The following ALB variants were observed in gnomAD, a reference collection of about 807,000 sequenced individuals.
ALB encodes albumin, also known as serum albumin.
A neutral mutation model predicts 74.5 loss-of-function variants in ALB; 37 were observed. That is an observed-to-expected ratio of 0.50 (90% CI 0.38 to 0.65). The LOEUF is 0.65. Ranked by LOEUF, ALB falls within the 30% of genes least tolerant of loss-of-function variation. ALB has a pLI of 0.00. For missense variants in ALB, 685 were observed against 718.7 expected, an observed-to-expected ratio of 0.95 and a Z score of 0.54; for synonymous variants, 249 against 251.6, an observed-to-expected ratio of 0.99 and a Z score of 0.10.
chr4:73,405,279 T>A, intron 2 of ALB, 106 bp downstream of exon 2: 1 of 974,290 alleles, frequency 1.0e-6, no homozygotes, highest in Non-Finnish European at 1.6e-6. Flanking sequence ...TCTAAAACAG[T>A]GCTGCCTCGT....
rs546249391 is a variant in ALB at position 73,410,492 on chromosome 4, T to C, written c.713+83T>C. On this transcript the variant is annotated intron_variant, in intron 6 of 14. Transcript: ENST00000295897. ...GTGACAAATTGTACATTTTTATGTA[T>C]TTTGCAAAGTGCTGTCAAATACATT... 1.7e-5 allele frequency: 18 copies of C among 1,061,426 alleles called. No individual in the cohort carries two copies. The South Asian group carries it at 2.1e-4, about 12-fold the overall frequency. The allele number at this position is 1,061,426 out of a possible 1,614,324, so 65.8% of individuals were successfully genotyped here. A position where few individuals can be genotyped will look rare whatever the true frequency, so the allele number is the denominator to read the frequency against.
intron 7 of ALB, 54 bp downstream of exon 7, chr4:73,412,179 T>G: frequency 1.2e-6 from 2 of 1,607,102 alleles, no homozygotes; most frequent in Non-Finnish European, 1.7e-6. Context: ...GTTGGTAGAA[T>G]GGATGCGTTT....
intron 5 of ALB, 115 bp downstream of exon 5, chr4:73,409,602 A>G: frequency 7.8e-7 from 1 of 1,286,672 alleles, no homozygotes; most frequent in African/African-American, 1.5e-5. Context: ...CATGGTCAAA[A>G]AAGCCTTCCT....
At position 73,418,165 on chromosome 4, in the gene ALB, A is replaced by G. The variant is rs960273741; in HGVS notation, c.1506A>G (p.Thr502=). Residue 502 remains threonine, a synonymous_variant, in exon 12 of 15, where the codon ACA becomes ACG. Coordinates refer to ENST00000295897, the MANE Select transcript of ALB (RefSeq NM_000477.7). ...PVSDRVTKCC[T]ESLVNRRPCF... is the part of the protein sequence containing the mutation. ...GTGACAGAGTCACCAAATGCTGCACAGAATCCTTGGTGAACAGGCGACCAT... is the reference window on the plus strand; with the variant it reads ...GTGACAGAGTCACCAAATGCTGCACGGAATCCTTGGTGAACAGGCGACCAT... The G allele has an allele frequency of 1.2e-6, 2 of 1,614,228 alleles. No individual in the cohort carries two copies. Among genetic ancestry groups the G allele is most frequent in the Non-Finnish European group, 1.7e-6 (2 of 1,180,030 alleles).
Position 73,418,179 on chromosome 4 carries a change from AC to A in ALB, c.1521del (p.Asn507LysfsTer51). On this transcript the variant is annotated frameshift_variant, in exon 12 of 15. Coordinates refer to ENST00000295897, the MANE Select transcript of ALB (RefSeq NM_000477.7). LOFTEE classifies it high-confidence loss of function. ...AAATGCTGCACAGAATCCTTGGTGA[AC>A]AGGCGACCATGCTTTTCAGCTCTGG... The part of the protein sequence containing the change: ...VTKCCTESLV[N>X]RRPCFSALEV... 1.2e-6 allele frequency: 2 copies of A among 1,614,188 alleles called. No individual in the cohort carries two copies. Among genetic ancestry groups the A allele is most frequent in the Non-Finnish European group, 1.7e-6 (2 of 1,180,022 alleles).
At position 73,409,347 on chromosome 4, in the gene ALB, A is replaced by C. The variant is rs1298012802; in HGVS notation, c.483-8A>C. On this transcript the variant is annotated splice_polypyrimidine_tract_variant and splice_region_variant and intron_variant, in intron 4 of 14. Transcript: ENST00000295897. ...GAAAAGTGACTGTTTTTCTTTTTCAAAATTTAGATACTTATATGAAATTGC... is the reference window on the plus strand; with the variant it reads ...GAAAAGTGACTGTTTTTCTTTTTCACAATTTAGATACTTATATGAAATTGC... 1 of 1,612,876 alleles carries C rather than the reference A, an allele frequency of 6.2e-7. No homozygotes were observed. The highest frequency in any genetic ancestry group is 8.5e-7 in the Non-Finnish European group (1 of 1,179,268).
At chr4:73,412,692 G>T (rs976427306) in intron 7 of ALB, among the ~76,000 whole-genome samples, 2 of 152,122 alleles carry the variant, frequency 1.3e-5, no homozygotes, top group Admixed American at 1.3e-4. Flanking sequence ...TGATCCACCC[G>T]CCTTGGCCTC....
chr4:73,418,107 A>T lies in ALB; in HGVS notation c.1448A>T (p.Gln483Leu). Residue 483 changes from glutamine (Q) to leucine (L), a missense_variant, in exon 12 of 15, where the codon CAG (glutamine) becomes CTG (leucine). Coordinates refer to ENST00000295897, the MANE Select transcript of ALB (RefSeq NM_000477.7). ...AEDYLSVVLNQLCVLHEKTPV... is the reference protein window; with the variant it reads ...AEDYLSVVLNLLCVLHEKTPV... ...CTTTAGCTATCCGTGGTCCTGAACCAGTTATGTGTGTTGCATGAGAAAACG... is the reference window on the plus strand; with the variant it reads ...CTTTAGCTATCCGTGGTCCTGAACCTGTTATGTGTGTTGCATGAGAAAACG... The T allele has an allele frequency of 6.2e-7, 1 of 1,614,112 alleles. No homozygotes were observed. The highest frequency in any genetic ancestry group is 8.5e-7 in the Non-Finnish European group (1 of 1,179,996).
rs565648930 is a variant in ALB at position 73,415,247 on chromosome 4, A to G, written c.1191+80A>G. 7.0e-5 allele frequency: 106 copies of G among 1,510,280 alleles called. 1 individual carries two copies. In the South Asian group the frequency reaches 7.8e-4, roughly 11 times the overall value. The allele number at this position is 1,510,280 out of a possible 1,614,324, so 93.6% of individuals were successfully genotyped here. ...AGAAAGAAAAATAATGCAAGAATGTAAAATGATATACAGTGCAATTTAGAT... is the reference window on the plus strand; with the variant it reads ...AGAAAGAAAAATAATGCAAGAATGTGAAATGATATACAGTGCAATTTAGAT... On this transcript the variant is annotated intron_variant, in intron 9 of 14. Coordinates refer to ENST00000295897, the MANE Select transcript of ALB (RefSeq NM_000477.7).
In ALB at chr4:73,413,449, T is replaced by A. The variant is rs1718928631; in HGVS notation, c.873T>A (p.Asn291Lys). ...RADLAKYICE[N>K]QDSISSKLKE... ...ACCTTGCCAAGTATATCTGTGAAAA[T>A]CAAGATTCGATCTCCAGTAAACTGA... The change falls in exon 8 of 15, where the codon AAT becomes AAA. Residue 291 changes from asparagine (N) to lysine (K), a missense_variant. Coordinates refer to ENST00000295897, the MANE Select transcript of ALB (RefSeq NM_000477.7). 1.2e-6 allele frequency: 2 copies of A among 1,613,996 alleles called. No homozygotes were observed. Among genetic ancestry groups the A allele is most frequent in the East Asian group, 4.5e-5 (2 of 44,878 alleles).
rs77892378 is a variant in ALB, at chr4:73,406,760, T to G, written c.269T>G (p.Leu90Arg). Residue 90 changes from leucine to arginine, a missense_variant and splice_region_variant, in exon 3 of 15, where the codon CTT (leucine) becomes CGT (arginine). Physicochemically the swap from Leu to Arg is moderately radical, Grantham distance 102 (BLOSUM62 -2). Coordinates refer to ENST00000295897, the MANE Select transcript of ALB (RefSeq NM_000477.7). ...DESAENCDKS[L>R]HTLFGDKLCT... is the part of the protein sequence containing the mutation. ...TCAGCTGAAAATTGTGACAAATCAC[T>G]TGTAAGTACATTCTAATTGTGGAGA... 4 of 1,613,718 alleles carry G rather than the reference T, an allele frequency of 2.5e-6. No individual in the cohort carries two copies. The highest frequency in any genetic ancestry group is 3.4e-6 in the Non-Finnish European group (4 of 1,179,902).
At chr4:73,416,714 G>A (rs1021495188) in intron 10 of ALB, among the ~76,000 whole-genome samples, 6 of 152,060 alleles carry the variant, frequency 3.9e-5, no homozygotes, top group Admixed American at 2.0e-4. Flanking sequence ...AATAGATGTC[G>A]CTCAAAAAGT....
Position 73,415,024 on chromosome 4 carries a change from A to C in ALB, c.1059-11A>C, listed in dbSNP as rs370277014. 1 of 1,613,758 alleles carries C rather than the reference A, an allele frequency of 6.2e-7. No homozygotes were observed. The highest frequency in any genetic ancestry group is 1.1e-5 in the South Asian group (1 of 91,066). The stretch of plus-strand genomic sequence containing the variant: ...GTCCAACAAAGTCTATTTTATTTTC[A>C]TCTTAATTAGGTTTTTGTATGAATA... On this transcript the variant is annotated splice_polypyrimidine_tract_variant and intron_variant, in intron 8 of 14. Transcript: ENST00000295897.
intron 14 of ALB, 129 bp from the exon 15 acceptor site, chr4:73,420,963 G>C (rs1199636580): frequency 1.7e-6 from 1 of 582,872 alleles, no homozygotes; most frequent in Non-Finnish European, 3.0e-6. Flanking sequence ...GTCTAGGACA[G>C]GCTTAAATTG....
chr4:73,416,434 C>A (rs1285755037), intron 10 of ALB, 81 bp downstream of exon 10: 4 of 1,000,106 alleles, frequency 4.0e-6, no homozygotes, highest in Admixed American at 3.9e-5. Flanking sequence ...TAGCATAGAA[C>A]TTTTAAGAAT....
intron 11 of ALB, 193 bp from the exon 12 acceptor site, chr4:73,417,895 C>T (rs1453656799): frequency 4.3e-6 from 3 of 701,160 alleles, no homozygotes; most frequent in Non-Finnish European, 7.1e-6. Context: ...GTTGTCCAGG[C>T]TGGAGTGCAG....
Position 73,421,148 on chromosome 4 carries a change from T to A in ALB, c.*80T>A. ...GATCAAAAGCTTATTCATCTGTTTTTCTTTTTCGTTGGTGTAAAGCCAACA... is the reference window on the plus strand; with the variant it reads ...GATCAAAAGCTTATTCATCTGTTTTACTTTTTCGTTGGTGTAAAGCCAACA... On this transcript the variant is annotated 3_prime_UTR_variant, in exon 15 of 15. Transcript: ENST00000295897. 2 of 694,472 alleles carry A rather than the reference T, an allele frequency of 2.9e-6. No homozygotes were observed. Among genetic ancestry groups the A allele is most frequent in the Non-Finnish European group, 2.6e-6 (1 of 382,250 alleles). The allele number at this position is 694,472 out of a possible 1,614,324, so 43.0% of individuals were successfully genotyped here.
In ALB at chr4:73,413,619, A is replaced by G; in HGVS notation, c.1043A>G (p.Asp348Gly). The change falls in exon 8 of 15, where the codon GAT (aspartate) becomes GGT (glycine). Residue 348 changes from aspartate (D) to glycine (G), a missense_variant. By Grantham distance (94) the Asp-to-Gly change is moderately conservative. Coordinates refer to ENST00000295897, the MANE Select transcript of ALB (RefSeq NM_000477.7). ...DVCKNYAEAK[D>G]VFLGMFLYEY... ...TGCAAAAACTATGCTGAGGCAAAGG[A>G]TGTCTTCCTGGGCATGTAAGTAGAT... 6.2e-7 allele frequency: 1 copy of G among 1,614,036 alleles called. No individual in the cohort carries two copies. The highest frequency in any genetic ancestry group is 2.2e-5 in the East Asian group (1 of 44,876).
At chr4:73,413,760 C>T (rs1718940688) in intron 8 of ALB, 126 bp downstream of exon 8, 2 of 882,244 alleles carry the variant, frequency 2.3e-6, no homozygotes, top group Admixed American at 2.2e-5. Context: ...TCATCCTTCC[C>T]TTTCCCAGGC....
Sources: gnomAD v4.1 joint callset for allele counts (sites outside exome capture counted in the v4.1 genomes callset) on GRCh38, gnomAD v4.1.1 for gene constraint, MANE v1.5 for transcripts, NCBI Gene and HGNC (gene_info 2026-07-23, HGNC 2026-07-21) for gene names.